The following WWOX variants were observed in gnomAD, a reference collection of about 807,000 sequenced individuals.
WWOX encodes the protein WW domain-containing oxidoreductase.
In WWOX, 69 loss-of-function variants were observed where a neutral mutation model predicts 46.2. That is an observed-to-expected ratio of 1.49 (90% CI 1.23 to 1.82). The LOEUF (loss-of-function observed/expected upper bound fraction) is 1.82, where lower values mean the gene tolerates loss of function less well. WWOX is among the 40% of genes most tolerant of loss of function. The pLI is 0.00. For missense variants in WWOX, 919 were observed against 542.6 expected (o/e 1.69, Z -6.89); for synonymous variants, 359 against 202.6 (o/e 1.77, Z -6.56).
At chr16:78,909,914 C>G (rs992256899) in intron 8 of WWOX, among the ~76,000 whole-genome samples, 6 of 152,168 alleles carry the variant, frequency 3.9e-5, no homozygotes, top group Non-Finnish European at 7.3e-5. Flanking sequence ...AGATGTCAAG[C>G]TAATTGTAAT....
chr16:78,870,011 A>ATC (rs2044092497), intron 8 of WWOX, among the ~76,000 whole-genome samples: 1 of 152,314 alleles, frequency 6.6e-6, no homozygotes, highest in East Asian at 1.9e-4. Flanking sequence ...CTCTCCACTG[A>ATC]TCTGTCTTCC....
intron 5 of WWOX, among the ~76,000 whole-genome samples, chr16:78,203,839 C>G (rs780888539): frequency 6.6e-6 from 1 of 152,194 alleles, no homozygotes; most frequent in African/African-American, 2.4e-5. Context: ...CTCCCTTTCT[C>G]ATAGTATGAT....
At chr16:78,392,326 G>A (rs1318257626) in intron 6 of WWOX, among the ~76,000 whole-genome samples, 2 of 152,084 alleles carry the variant, frequency 1.3e-5, no homozygotes. Context: ...AAAATCTAAT[G>A]CCTGATGATC....
rs1391362789 is a variant in WWOX, at chr16:79,052,063, A to G, written c.1057-159545A>G. On this transcript the variant is annotated intron_variant, in intron 8 of 8. Transcript: ENST00000566780. Reference sequence around the variant, plus strand: ...ATTTTTTTTTTTTAATTATACTTTAAGTTTTAGGGTACATGTGCACGTTGT... The same window carrying G: ...ATTTTTTTTTTTTAATTATACTTTAGGTTTTAGGGTACATGTGCACGTTGT... 5.4e-5 allele frequency among the ~76,000 whole-genome samples: 8 copies of G among 148,312 alleles called. No homozygotes were observed. The East Asian group carries it at 1.6e-3, about 29-fold the overall frequency.
chr16:78,410,666 C>T lies in WWOX; in HGVS notation c.606-14204C>T, dbSNP rs531526637. ...ACTAAAAGTACAAAAATTAGTTGGG[C>T]ATGGTGGCACATGCATGTAATCCCA... On this transcript the variant is annotated intron_variant, in intron 6 of 8. Transcript: ENST00000566780. Among the ~76,000 whole-genome samples, 338 of 151,872 alleles carry T rather than the reference C, an allele frequency of 2.2e-3. 1 individual carries two copies. The highest frequency in any genetic ancestry group is 7.8e-3 in the African/African-American group (324 of 41,376).
At chr16:78,774,254 A>AGC (rs1481418176) in intron 8 of WWOX, among the ~76,000 whole-genome samples, 1 of 152,172 alleles carries the variant, frequency 6.6e-6, no homozygotes, top group African/African-American at 2.4e-5. Flanking sequence ...TACAAAAATT[A>AGC]GCTGGGCGTG....
In WWOX at chr16:78,578,452, G is replaced by A. The variant is rs1353967940; in HGVS notation, c.1056+145700G>A. ...CTATAGGCGCCCACCACCATGCCTG[G>A]CTAATTTTATGTATTTTTAATAGAG... On this transcript the variant is annotated intron_variant, in intron 8 of 8. Transcript: ENST00000566780. Among the ~76,000 whole-genome samples, 11 of 150,580 alleles carry A rather than the reference G, an allele frequency of 7.3e-5. No homozygotes were observed. In the East Asian group the frequency reaches 2.0e-3, roughly 27 times the overall value.
intron 8 of WWOX, among the ~76,000 whole-genome samples, chr16:78,728,641 T>C (rs1185229742): frequency 2.6e-5 from 4 of 152,218 alleles, no homozygotes; most frequent in African/African-American, 9.6e-5. Flanking sequence ...TGGAAGGGTC[T>C]CAGAGACATC....
At chr16:78,478,820 A>G (rs1238291031) in intron 8 of WWOX, among the ~76,000 whole-genome samples, 1 of 152,124 alleles carries the variant, frequency 6.6e-6, no homozygotes, top group African/African-American at 2.4e-5. Flanking sequence ...TTTATTTTTT[A>G]TTTATTTATT....
chr16:78,762,007 A>G (rs2049806542), intron 8 of WWOX, among the ~76,000 whole-genome samples: 1 of 152,186 alleles, frequency 6.6e-6, no homozygotes, highest in Non-Finnish European at 1.5e-5. Context: ...ACAAGTAAAT[A>G]TCATGAGAAT....
At chr16:79,081,921 G>A (rs981253602) in intron 8 of WWOX, among the ~76,000 whole-genome samples, 5 of 152,094 alleles carry the variant, frequency 3.3e-5, no homozygotes, top group Non-Finnish European at 4.4e-5. Context: ...CAGTGAAACC[G>A]TAGCAAAACC....
intron 8 of WWOX, among the ~76,000 whole-genome samples, chr16:78,944,240 G>A (rs2045907002): frequency 6.6e-6 from 1 of 151,948 alleles, no homozygotes. Context: ...GATAAAAGTT[G>A]ACTCTCATAA....
intron 5 of WWOX, among the ~76,000 whole-genome samples, chr16:78,176,394 C>G (rs1380181591): frequency 6.6e-6 from 1 of 152,196 alleles, no homozygotes; most frequent in Non-Finnish European, 1.5e-5. Context: ...CAAGACCTGC[C>G]TTGCCTTCCC....
At chr16:78,108,964 G>A (rs751638634) in intron 2 of WWOX, among the ~76,000 whole-genome samples, 4 of 152,132 alleles carry the variant, frequency 2.6e-5, no homozygotes, top group Admixed American at 1.3e-4. Flanking sequence ...CTCCAGCCTC[G>A]GTGACAGAGT....
At chr16:78,968,963 T>C (rs2046416851) in intron 8 of WWOX, among the ~76,000 whole-genome samples, 2 of 152,092 alleles carry the variant, frequency 1.3e-5, no homozygotes, top group East Asian at 1.9e-4. Context: ...TTTTTTCCAC[T>C]TTCAAATGTA....
At chr16:78,737,461 G>C (rs1236223816) in intron 8 of WWOX, among the ~76,000 whole-genome samples, 1 of 151,942 alleles carries the variant, frequency 6.6e-6, no homozygotes, top group Non-Finnish European at 1.5e-5. Flanking sequence ...ATTAAGTTTG[G>C]GGGGAACAGG....
intron 5 of WWOX, among the ~76,000 whole-genome samples, chr16:78,284,283 TTTGA>T (rs2151856433): frequency 6.6e-6 from 1 of 152,356 alleles, no homozygotes; most frequent in African/African-American, 2.4e-5. Context: ...CAGTGGCTTC[TTTGA>T]TTGTAAGGTG....
chr16:78,304,158 C>T (rs1038326023), intron 5 of WWOX, among the ~76,000 whole-genome samples: 11 of 152,196 alleles, frequency 7.2e-5, no homozygotes, highest in African/African-American at 2.7e-4. Context: ...GGCCTCTTCT[C>T]CCGATCAGCT....
chr16:78,123,086 C>G (rs947440082), intron 4 of WWOX, among the ~76,000 whole-genome samples: 1 of 152,260 alleles, frequency 6.6e-6, no homozygotes. Context: ...TTTTACTTTT[C>G]TAACATATCT....
Sources: allele counts gnomAD v4.1 joint callset (sites outside exome capture counted in the v4.1 genomes callset), GRCh38; gene constraint gnomAD v4.1.1; transcripts MANE v1.5; gene names NCBI Gene and HGNC (gene_info 2026-07-23, HGNC 2026-07-21).